The following ANKRD13C variants were observed in gnomAD, a reference collection of about 807,000 sequenced individuals.
ANKRD13C encodes the protein ankyrin repeat domain 13C, also known as ankyrin repeat domain-containing protein 13C.
ANKRD13C carries 16 observed loss-of-function variants against 65.5 expected under a neutral mutation model. That is an observed-to-expected ratio of 0.24 (90% confidence interval 0.17 to 0.37). The LOEUF is 0.37. ANKRD13C is among the 10% of genes least tolerant of loss of function. ANKRD13C has a pLI of 1.00. For synonymous variants in ANKRD13C, 235 were observed against 238.7 expected, an observed-to-expected ratio of 0.98 and a Z score of 0.14; for missense variants, 503 against 655.9, an observed-to-expected ratio of 0.77 and a Z score of 2.55.
intron 1 of ANKRD13C, among the ~76,000 whole-genome samples, chr1:70,350,214 T>G (rs1410106352): frequency 6.6e-6 from 1 of 152,242 alleles, no homozygotes; most frequent in Non-Finnish European, 1.5e-5. Context: ...AGCAATATAG[T>G]CTCCCTGTTG....
intron 9 of ANKRD13C, among the ~76,000 whole-genome samples, chr1:70,290,760 G>A (rs915117768): frequency 3.2e-4 from 48 of 151,912 alleles, no homozygotes; most frequent in Non-Finnish European, 1.2e-4. Context: ...GTCTTGCTCT[G>A]TTGCCCAGGC....
intron 1 of ANKRD13C, among the ~76,000 whole-genome samples, chr1:70,351,515 T>C (rs1682743224): frequency 6.6e-6 from 1 of 152,160 alleles, no homozygotes; most frequent in Non-Finnish European, 1.5e-5. Context: ...TCCTCCTGCC[T>C]CAGCTTCCCA....
intron 8 of ANKRD13C, among the ~76,000 whole-genome samples, chr1:70,293,925 T>C (rs1327987468): frequency 2.6e-5 from 4 of 152,226 alleles, no homozygotes; most frequent in Admixed American, 6.5e-5. Context: ...GGCAAAGGCA[T>C]GTAAAAGGAT....
chr1:70,325,607 G>A (rs1476969841), intron 2 of ANKRD13C, among the ~76,000 whole-genome samples: 6 of 152,026 alleles, frequency 3.9e-5, no homozygotes, highest in African/African-American at 7.2e-5. Context: ...GGCCGGGCGC[G>A]GTGGCTCACG....
intron 12 of ANKRD13C, among the ~76,000 whole-genome samples, chr1:70,269,652 T>G (rs1320339225): frequency 6.6e-6 from 1 of 151,802 alleles, no homozygotes. Context: ...AAGTAGACAC[T>G]GGGTTCCTAG....
intron 9 of ANKRD13C, among the ~76,000 whole-genome samples, chr1:70,290,580 G>A (rs1414245596): frequency 6.6e-6 from 1 of 151,068 alleles, no homozygotes; most frequent in African/African-American, 2.4e-5. Flanking sequence ...GTGTCACCCA[G>A]GCTGGAATGC....
rs529050258 is a variant in ANKRD13C at position 70,338,669 on chromosome 1, G to C, written c.431-2570C>G. On this transcript the variant is annotated intron_variant, in intron 1 of 12. Transcript: ENST00000370944. ...CCCGCCTTGGCCTCCCAAAGTGCTG[G>C]GATTACAGGCATGAGCCACCACGCC... Among the ~76,000 whole-genome samples the C allele has an allele frequency of 3.8e-3, 575 of 152,228 alleles. 6 individuals are homozygous for C. The highest frequency in any genetic ancestry group is 0.013 in the African/African-American group (553 of 41,558).
intron 2 of ANKRD13C, among the ~76,000 whole-genome samples, chr1:70,335,742 G>T (rs1468742475): frequency 6.7e-6 from 1 of 149,730 alleles, no homozygotes; most frequent in Non-Finnish European, 1.5e-5. Context: ...AATATGAAAA[G>T]TATAATAATA....
intron 9 of ANKRD13C, among the ~76,000 whole-genome samples, chr1:70,282,922 T>C (rs1305622968): frequency 6.6e-6 from 1 of 152,072 alleles, no homozygotes; most frequent in Non-Finnish European, 1.5e-5. Flanking sequence ...TTAGATAACA[T>C]GGCATGTCAC....
At chr1:70,301,198 C>CATATATATATAT (rs1184187144) in intron 6 of ANKRD13C, among the ~76,000 whole-genome samples, 9 of 151,368 alleles carry the variant, frequency 5.9e-5, no homozygotes, top group African/African-American at 2.2e-4. Context: ...TATATATACA[C>CATATATATATAT]ATACACACAC....
rs748714263 is a variant in ANKRD13C at position 70,296,167 on chromosome 1, C to T, written c.1016G>A (p.Arg339His). The change falls in exon 8 of 13, where the codon CGT (arginine) becomes CAT (histidine). Residue 339 changes from arginine (R) to histidine (H), a missense_variant. Arg to His is a conservative substitution (Grantham distance 29). Coordinates refer to ENST00000370944, the MANE Select transcript of ANKRD13C (RefSeq NM_030816.5). The part of the protein sequence containing the change: ...TLSTKSISFT[R>H]AQTGWLFRED... Reference sequence around the variant, plus strand: ...CCGAAAAAGCCATCCTGTCTGGGCACGCGTGAAAGAAATTGATTTTGTTGA... The same window carrying T: ...CCGAAAAAGCCATCCTGTCTGGGCATGCGTGAAAGAAATTGATTTTGTTGA... 4.3e-6 allele frequency: 7 copies of T among 1,613,730 alleles called. No homozygotes were observed. The South Asian group carries it at 4.4e-5, about 10-fold the overall frequency.
At chr1:70,328,928 T>C (rs1353082637) in intron 2 of ANKRD13C, among the ~76,000 whole-genome samples, 1 of 152,210 alleles carries the variant, frequency 6.6e-6, no homozygotes, top group East Asian at 1.9e-4. Context: ...AATATGTTTG[T>C]ATGTATACAT....
intron 2 of ANKRD13C, among the ~76,000 whole-genome samples, chr1:70,335,739 A>C (rs1352117402): frequency 6.7e-6 from 1 of 150,222 alleles, no homozygotes; most frequent in Non-Finnish European, 1.5e-5. Flanking sequence ...TCTAATATGA[A>C]AAGTATAATA....
chr1:70,353,936 GC>G, intron 1 of ANKRD13C, 42 bp downstream of exon 1: 2 of 1,475,126 alleles, frequency 1.4e-6, no homozygotes, highest in East Asian at 4.7e-5. Context: ...CACACCCTAG[GC>G]TCGGGGAAGG....
intron 6 of ANKRD13C, among the ~76,000 whole-genome samples, chr1:70,302,845 A>C (rs928353873): frequency 5.9e-5 from 9 of 151,822 alleles, no homozygotes; most frequent in African/African-American, 1.9e-4. Context: ...TTTATATGTA[A>C]GTGCACTATT....
At chr1:70,339,475 T>C (rs1448383317) in intron 1 of ANKRD13C, among the ~76,000 whole-genome samples, 1 of 151,122 alleles carries the variant, frequency 6.6e-6, no homozygotes, top group Admixed American at 6.6e-5. Flanking sequence ...CCCACCAACA[T>C]ACCCGGCTAA....
intron 9 of ANKRD13C, among the ~76,000 whole-genome samples, chr1:70,291,868 T>C (rs1449030397): frequency 6.6e-6 from 1 of 151,768 alleles, no homozygotes; most frequent in South Asian, 2.1e-4. Flanking sequence ...TCTGTAATTC[T>C]AGCACTTTGG....
At chr1:70,352,479 G>C (rs910816732) in intron 1 of ANKRD13C, among the ~76,000 whole-genome samples, 4 of 152,090 alleles carry the variant, frequency 2.6e-5, no homozygotes, top group Non-Finnish European at 5.9e-5. Context: ...AGAAGACATG[G>C]AAGCCCAACA....
chr1:70,335,405 CAAAA>C (rs369800668), intron 2 of ANKRD13C, among the ~76,000 whole-genome samples: 2 of 105,088 alleles, frequency 1.9e-5, no homozygotes. Context: ...GACTCTGCCT[CAAAA>C]AAAAAAAAAA....
Sources: allele counts gnomAD v4.1 joint callset (sites outside exome capture counted in the v4.1 genomes callset), GRCh38; gene constraint gnomAD v4.1.1; transcripts MANE v1.5; gene names NCBI Gene and HGNC (gene_info 2026-07-23, HGNC 2026-07-21).